RMND1: variants seen among roughly 807,000 people sequenced by gnomAD.
RMND1 encodes required for meiotic nuclear division 1 homolog.
In RMND1, 41 loss-of-function variants were observed where a neutral mutation model predicts 54.0. The observed-to-expected ratio is 0.76, with a 90% CI of 0.59 to 0.98. RMND1 has a LOEUF of 0.98. Ranked by LOEUF, RMND1 falls within the 50% of genes least tolerant of loss-of-function variation. The pLI is 0.00. For missense variants in RMND1, 457 were observed against 532.0 expected (o/e 0.86, Z 1.39); for synonymous variants, 183 against 181.7 (o/e 1.01, Z -0.06).
At chr6:151,419,665 C>A (rs1780102409) in intron 9 of RMND1, among the ~76,000 whole-genome samples, 1 of 119,434 alleles carries the variant, frequency 8.4e-6, no homozygotes. Flanking sequence ...CAAGCAAGAC[C>A]CTGTTTAAAA....
At chr6:151,414,479 G>T (rs529194908) in intron 10 of RMND1, among the ~76,000 whole-genome samples, 1 of 152,062 alleles carries the variant, frequency 6.6e-6, no homozygotes, top group South Asian at 2.1e-4. Context: ...ATATCAAGAG[G>T]TATCTGAGGT....
chr6:151,407,951 A>T lies in RMND1; in HGVS notation c.1201-2115T>A, dbSNP rs186657045. Among the ~76,000 whole-genome samples the T allele has an allele frequency of 2.0e-5, 3 of 151,978 alleles. No individual in the cohort carries two copies. In the East Asian group the frequency reaches 5.9e-4, roughly 30 times the overall value. On this transcript the variant is annotated intron_variant, in intron 10 of 11. Coordinates refer to ENST00000444024, the MANE Select transcript of RMND1 (RefSeq NM_017909.4). The stretch of plus-strand genomic sequence containing the variant: ...TCACTATTACCACAGCATGCTTTCT[A>T]TTTATTTAGGTATAGAGGCATGTAC...
chr6:151,425,451 TACAC>T (rs375187928), intron 6 of RMND1, among the ~76,000 whole-genome samples: 17 of 150,204 alleles, frequency 1.1e-4, no homozygotes, highest in Non-Finnish European at 1.6e-4. Context: ...TGGATAAGCG[TACAC>T]ACACACACAC....
intron 2 of RMND1, among the ~76,000 whole-genome samples, chr6:151,444,038 GA>G (rs977634209): frequency 6.6e-5 from 10 of 151,504 alleles, no homozygotes; most frequent in East Asian, 1.9e-4. Flanking sequence ...GAAGGAAGTA[GA>G]AAAAAAAATC....
chr6:151,431,560 T>C (rs1449919663), intron 4 of RMND1, among the ~76,000 whole-genome samples: 1 of 152,124 alleles, frequency 6.6e-6, no homozygotes, highest in Non-Finnish European at 1.5e-5. Context: ...AAGAGAGGTC[T>C]GGTGAACTGC....
chr6:151,437,187 CTG>C (rs922846587), intron 2 of RMND1, among the ~76,000 whole-genome samples: 30 of 152,310 alleles, frequency 2.0e-4, no homozygotes, highest in African/African-American at 6.7e-4. Context: ...TGGCTCAATG[CTG>C]TGTTTTTTCA....
intron 2 of RMND1, among the ~76,000 whole-genome samples, chr6:151,439,633 CATT>C (rs1402371056): frequency 4.6e-5 from 7 of 152,054 alleles, no homozygotes; most frequent in East Asian, 1.9e-4. Context: ...CGGTGGCAGG[CATT>C]ATTATTTTAT....
chr6:151,445,320 C>G lies in RMND1; in HGVS notation c.492G>C (p.Leu164=). 6.2e-7 allele frequency: 1 copy of G among 1,607,708 alleles called. No individual in the cohort carries two copies. Residue 164 remains leucine, a synonymous_variant, in exon 2 of 12, where the codon CTG becomes CTC. Transcript: ENST00000444024. ...RQPSRTNLPV[L]SVNEDLMHCT... ...ACCCCTACTTTACCTCGTTCACAGACAGAACTGGAAGGTTGGTCCTGGATG... is the reference window on the plus strand; with the variant it reads ...ACCCCTACTTTACCTCGTTCACAGAGAGAACTGGAAGGTTGGTCCTGGATG...
intron 10 of RMND1, 115 bp from the exon 11 acceptor site, chr6:151,405,951 C>G (rs9371514): frequency 1.9e-6 from 1 of 518,168 alleles, no homozygotes; most frequent in Non-Finnish European, 3.4e-6. Flanking sequence ...TCCCCAAAGG[C>G]AGCCACCAAC....
intron 10 of RMND1, among the ~76,000 whole-genome samples, chr6:151,410,804 G>A (rs551825238): frequency 7.2e-5 from 11 of 152,190 alleles, no homozygotes; most frequent in Admixed American, 6.5e-4. Context: ...GCAGTATAAC[G>A]AAAGATAACC....
At position 151,419,671 on chromosome 6, in the gene RMND1, TAAAAAA is replaced by T. The variant is rs11295311; in HGVS notation, c.1079+1568_1079+1573del. On this transcript the variant is annotated intron_variant, in intron 9 of 11. Coordinates refer to ENST00000444024, the MANE Select transcript of RMND1 (RefSeq NM_017909.4). ...TCTGGGTGACAAGCAAGACCCTGTT[TAAAAAA>T]AAAAAAAAAAAAAGTAACACATACA... is the stretch of plus-strand genomic sequence containing the variant. Among the ~76,000 whole-genome samples, 3 of 117,112 alleles carry T rather than the reference TAAAAAA, an allele frequency of 2.6e-5. No individual in the cohort carries two copies. The Admixed American group carries it at 2.7e-4, about 10-fold the overall frequency. The allele number at this position is 117,112 out of a possible 152,430, so 76.8% of individuals were successfully genotyped here.
At chr6:151,451,448 C>G (rs532755325) in intron 1 of RMND1, among the ~76,000 whole-genome samples, 1 of 151,742 alleles carries the variant, frequency 6.6e-6, no homozygotes, top group Non-Finnish European at 1.5e-5. Context: ...ACAGACAAAA[C>G]GAGGTAAATC....
At chr6:151,418,061 C>A (rs754999160) in intron 9 of RMND1, among the ~76,000 whole-genome samples, 7 of 152,142 alleles carry the variant, frequency 4.6e-5, no homozygotes, top group Non-Finnish European at 8.8e-5. Context: ...CTACCTCAGC[C>A]TCCCAAAGTG....
In RMND1 at chr6:151,445,472, A is replaced by G. The variant is rs1242632465; in HGVS notation, c.340T>C (p.Leu114=). The G allele has an allele frequency of 1.9e-6, 3 of 1,614,062 alleles. No individual in the cohort carries two copies. The highest frequency in any genetic ancestry group is 2.5e-6 in the Non-Finnish European group (3 of 1,180,034). ...ATTTTTATAAACCATTTAGAACCCA[A>G]CAGATTTGGTTTGTGGGTCACTCTC... The part of the protein sequence containing the change: ...HRRVTHKPNL[L]GSKWFIKILK... Residue 114 remains leucine, a synonymous_variant, in exon 2 of 12, where the codon TTG becomes CTG. Coordinates refer to ENST00000444024, the MANE Select transcript of RMND1 (RefSeq NM_017909.4).
At chr6:151,436,731 G>A in intron 2 of RMND1, 177 bp from the exon 3 acceptor site, 2 of 512,904 alleles carry the variant, frequency 3.9e-6, no homozygotes, top group Non-Finnish European at 3.3e-6. Context: ...GTTACTGGGA[G>A]GCAAATTTCA....
rs371796635 is a variant in RMND1, at chr6:151,437,257, GCTTT to G, written c.505-707_505-704del. Among the ~76,000 whole-genome samples, 109 of 152,258 alleles carry G rather than the reference GCTTT, an allele frequency of 7.2e-4. 1 individual carries two copies. Among genetic ancestry groups the G allele is most frequent in the African/African-American group, 2.5e-3 (105 of 41,554 alleles). ...ATACCAATTTAGTTGGCCCAAAACA[GCTTT>G]TTTAATAAAACTAAATAGAAAATAT... On this transcript the variant is annotated intron_variant, in intron 2 of 11. Coordinates refer to ENST00000444024, the MANE Select transcript of RMND1 (RefSeq NM_017909.4).
At chr6:151,426,609 C>T (rs1780303215) in intron 6 of RMND1, among the ~76,000 whole-genome samples, 1 of 151,974 alleles carries the variant, frequency 6.6e-6, no homozygotes, top group Admixed American at 6.6e-5. Flanking sequence ...TAAATGCATA[C>T]TATTTTATTG....
At position 151,405,794 on chromosome 6, in the gene RMND1, G is replaced by C. The variant is rs933972957; in HGVS notation, c.1243C>G (p.Leu415Val). Residue 415 changes from leucine (L) to valine (V), a missense_variant, in exon 11 of 12, where the codon CTA (leucine) becomes GTA (valine). By Grantham distance (32) the Leu-to-Val change is conservative (BLOSUM62 1). Transcript: ENST00000444024. Reference sequence around the variant, plus strand: ...TTCTCATTCAGGTGATTCCGCATTAGATCTGTTAGTTCCATGCAGTGCTGA... The same window carrying C: ...TTCTCATTCAGGTGATTCCGCATTACATCTGTTAGTTCCATGCAGTGCTGA... ...KLQHCMELTD[L>V]MRNHLNEKRA... 2 of 1,612,182 alleles carry C rather than the reference G, an allele frequency of 1.2e-6. No homozygotes were observed. Among genetic ancestry groups the C allele is most frequent in the Admixed American group, 1.7e-5 (1 of 60,008 alleles).
intron 3 of RMND1, 111 bp downstream of exon 3, chr6:151,436,335 A>G (rs564382479): frequency 8.1e-7 from 1 of 1,236,426 alleles, no homozygotes; most frequent in African/African-American, 1.5e-5. Context: ...TTTATGATAC[A>G]ATCCTTTCAA....
Sources: allele counts gnomAD v4.1 joint callset (sites outside exome capture counted in the v4.1 genomes callset), GRCh38; gene constraint gnomAD v4.1.1; transcripts MANE v1.5; gene names NCBI Gene and HGNC (gene_info 2026-07-23, HGNC 2026-07-21).